The following KIF7 variants were observed in gnomAD, a reference collection of about 807,000 sequenced individuals.
The protein encoded by KIF7 is kinesin-like protein KIF7.
In KIF7, 104 loss-of-function variants were observed where a neutral mutation model predicts 135.7. The observed-to-expected ratio is 0.77, with a 90% CI of 0.65 to 0.90. The LOEUF (loss-of-function observed/expected upper bound fraction) is 0.90, where lower values mean the gene tolerates loss of function less well. Among genes scored for constraint, KIF7 ranks in the 40% least tolerant of loss-of-function variants. The pLI is 0.00. For missense variants in KIF7, 2,005 were observed against 1,839.1 expected (o/e 1.09, Z -1.65); for synonymous variants, 883 against 809.4 (o/e 1.09, Z -1.54).
intron 1 of KIF7, 47 bp from the exon 2 acceptor site, chr15:89,653,001 G>T: frequency 7.2e-7 from 1 of 1,381,380 alleles, no homozygotes; most frequent in South Asian, 1.5e-5. Context: ...TGTACTCCAG[G>T]AGCTGGACTC....
At chr15:89,621,622 G>A in intron 1 of KIF7, 1 of 1,320,784 alleles carries the variant, frequency 7.6e-7, no homozygotes, top group Non-Finnish European at 1.0e-6. Context: ...GGAACTCAGA[G>A]TCCATTAGGG....
chr15:89,647,033 C>A lies in KIF7; in HGVS notation c.1585G>T (p.Glu529Ter). The A allele has an allele frequency of 1.2e-6, 2 of 1,607,282 alleles. No individual in the cohort carries two copies. Among genetic ancestry groups the A allele is most frequent in the Non-Finnish European group, 1.7e-6 (2 of 1,177,656 alleles). The stretch of plus-strand genomic sequence containing the variant: ...CGCAGCCGCAGTTCCACCATCTCCT[C>A]CTGCTGCTCACGCAGCCGGTCGCTC... ...LQSDRLREQQ[E>*]EMVELRLRLE... The change falls in exon 7 of 19, where the codon GAG becomes TAG. Residue 529 changes from glutamate to a stop codon, truncating the protein, a stop_gained. Transcript: ENST00000394412. LOFTEE classifies it high-confidence loss of function.
At chr15:89,650,266 A>C (rs1265591495) in intron 2 of KIF7, among the ~76,000 whole-genome samples, 1 of 152,260 alleles carries the variant, frequency 6.6e-6, no homozygotes, top group Admixed American at 6.5e-5. Flanking sequence ...TCAGTTATCT[A>C]AAGGGCCTCC....
intron 9 of KIF7, 56 bp from the exon 10 acceptor site, chr15:89,645,221 G>A: frequency 6.2e-7 from 1 of 1,605,556 alleles, no homozygotes; most frequent in Non-Finnish European, 8.5e-7. Context: ...GGGAGACAGA[G>A]GAGTGGAGAG....
intron 2 of KIF7, among the ~76,000 whole-genome samples, chr15:89,617,342 A>T (rs1215051956): frequency 6.6e-6 from 1 of 152,200 alleles, no homozygotes; most frequent in Non-Finnish European, 1.5e-5. Flanking sequence ...TAAATTTTTT[A>T]TAACATCCTT....
downstream of KIF7, chr15:89,625,480 G>T: frequency 6.2e-7 from 1 of 1,613,980 alleles, no homozygotes. Flanking sequence ...CAAGGACCAC[G>T]GCCTTGAACT....
chr15:89,654,088 C>T (rs942137867), intron 1 of KIF7, among the ~76,000 whole-genome samples: 3 of 152,204 alleles, frequency 2.0e-5, no homozygotes, highest in Non-Finnish European at 4.4e-5. Flanking sequence ...CCGCTCACTG[C>T]AAGCTCTGCC....
At chr15:89,627,481 G>A (rs893444425), downstream of KIF7, 7 of 207,654 alleles carry the variant, frequency 3.4e-5, no homozygotes, top group Admixed American at 1.6e-4. Flanking sequence ...GGGCTGCTGC[G>A]ACACAGGCAG....
intron 7 of KIF7, among the ~76,000 whole-genome samples, chr15:89,646,325 G>C (rs1964012466): frequency 6.6e-6 from 1 of 152,138 alleles, no homozygotes. Context: ...TTCCCTGCCA[G>C]AGTGATGGGT....
At position 89,648,334 on chromosome 15, in the gene KIF7, C is replaced by T. The variant is rs2142028136; in HGVS notation, c.1364G>A (p.Ser455Asn). 4 of 1,497,616 alleles carry T rather than the reference C, an allele frequency of 2.7e-6. No individual in the cohort carries two copies. Among genetic ancestry groups the T allele is most frequent in the Non-Finnish European group, 3.6e-6 (4 of 1,124,266 alleles). The allele number at this position is 1,497,616 out of a possible 1,614,324, so 92.8% of individuals were successfully genotyped here. Residue 455 changes from serine to asparagine, a missense_variant, in exon 5 of 19, where the codon AGC becomes AAC. Coordinates refer to ENST00000394412, the MANE Select transcript of KIF7 (RefSeq NM_198525.3). ...CAVEGERSAL[S>N]SASGPDSGIE... ...GCCGCTATCGGGCCCGGAGGCGGAG[C>T]TCAGGGCGCTGCGCTCGCCCTCGAC...
chr15:89,631,736 G>C (rs775030795), intron 14 of KIF7, 26 bp from the exon 15 acceptor site: 2 of 1,540,464 alleles, frequency 1.3e-6, no homozygotes, highest in Admixed American at 3.9e-5. Context: ...CCAGGGATTA[G>C]AGAAGGAACA....
In KIF7 at chr15:89,649,844, A is replaced by G. The variant is rs781292956; in HGVS notation, c.426T>C (p.His142=). ...CCTTGTACACTTCCAGGTAGGACACATGTACCAGACAGTCAAGCAGGTCGT... is the reference window on the plus strand; with the variant it reads ...CCTTGTACACTTCCAGGTAGGACACGTGTACCAGACAGTCAAGCAGGTCGT... ...DENDLLDCLV[H]VSYLEVYKEE... is the part of the protein sequence containing the mutation. Residue 142 remains histidine, a synonymous_variant, in exon 3 of 19, where the codon CAT becomes CAC. Coordinates refer to ENST00000394412, the MANE Select transcript of KIF7 (RefSeq NM_198525.3). 3.2e-6 allele frequency: 5 copies of G among 1,551,794 alleles called. No individual in the cohort carries two copies. Among genetic ancestry groups the G allele is most frequent in the South Asian group, 1.2e-5 (1 of 84,062 alleles).
At chr15:89,652,305 G>C (rs72750756) in intron 2 of KIF7, among the ~76,000 whole-genome samples, 5,042 of 152,194 alleles carry the variant, frequency 0.033, 109 homozygotes, top group Non-Finnish European at 0.049. Flanking sequence ...AACCTCTAGA[G>C]ACACGCCACC....
intron 11 of KIF7, among the ~76,000 whole-genome samples, chr15:89,636,892 C>T (rs1380333744): frequency 2.7e-5 from 4 of 148,836 alleles, no homozygotes; most frequent in Admixed American, 1.3e-4. Context: ...TTCAGCACCA[C>T]ACCACACCTA....
At chr15:89,627,276 G>C (rs878886958), downstream of KIF7, 19 of 669,306 alleles carry the variant, frequency 2.8e-5, 1 homozygote, top group South Asian at 3.3e-4. Context: ...TGTTGGGGAA[G>C]TTGCAGGAGG....
chr15:89,632,305 C>A (rs1190971052), intron 14 of KIF7, among the ~76,000 whole-genome samples: 3 of 152,240 alleles, frequency 2.0e-5, no homozygotes, highest in African/African-American at 7.2e-5. Context: ...TCCCATCTGA[C>A]AGAAGACAAC....
chr15:89,623,535 C>G (rs567329398), downstream of KIF7: 1 of 1,302,444 alleles, frequency 7.7e-7, no homozygotes, highest in South Asian at 1.5e-5. Flanking sequence ...GACTATAAAT[C>G]TCCCATTTGG....
chr15:89,623,843 G>C (rs777600069), downstream of KIF7: 2 of 1,613,778 alleles, frequency 1.2e-6, no homozygotes, highest in Admixed American at 1.7e-5. Flanking sequence ...CCTCAAAAAC[G>C]ACATACCCAG....
downstream of KIF7, among the ~76,000 whole-genome samples, chr15:89,626,581 T>C (rs544715696): frequency 3.9e-5 from 6 of 152,168 alleles, no homozygotes; most frequent in South Asian, 6.2e-4. Context: ...GCTGCTAGAA[T>C]CAAAGGGGGA....
Sources: gnomAD v4.1 joint callset for allele counts (sites outside exome capture counted in the v4.1 genomes callset) on GRCh38, gnomAD v4.1.1 for gene constraint, MANE v1.5 for transcripts, NCBI Gene and HGNC (gene_info 2026-07-23, HGNC 2026-07-21) for gene names.